The following EPHA7 variants were observed in gnomAD, a reference collection of about 807,000 sequenced individuals.
The protein encoded by EPHA7 is ephrin type-A receptor 7.
A neutral mutation model predicts 112.6 loss-of-function variants in EPHA7; 25 were observed. The ratio of observed to expected loss-of-function variants is 0.22; its 90% confidence interval spans 0.16 to 0.31. The LOEUF is 0.31. Ranked by LOEUF, EPHA7 falls within the 10% of genes least tolerant of loss-of-function variation. The pLI is 1.00. For synonymous variants in EPHA7, 437 were observed against 406.5 expected (o/e 1.07, Z -0.90); for missense variants, 962 against 1,212.6 (o/e 0.79, Z 3.07).
intron 5 of EPHA7, among the ~76,000 whole-genome samples, chr6:93,352,772 C>T (rs1237266567): frequency 1.3e-5 from 2 of 151,998 alleles, no homozygotes; most frequent in Non-Finnish European, 2.9e-5. Context: ...AGAACAAGAT[C>T]GTGTCCTTTG....
chr6:93,365,396 G>T (rs1265834923), intron 3 of EPHA7, among the ~76,000 whole-genome samples: 2 of 152,140 alleles, frequency 1.3e-5, no homozygotes, highest in African/African-American at 2.4e-5. Context: ...TTCAGGCAAA[G>T]CCAGTCTGTT....
chr6:93,263,945 A>C (rs756832009), intron 8 of EPHA7, 30 bp from the exon 9 acceptor site: 4 of 1,580,706 alleles, frequency 2.5e-6, no homozygotes, highest in East Asian at 4.5e-5. Flanking sequence ...TGACAATCTC[A>C]GTCATTTTAC....
At chr6:93,357,522 ACATT>A (rs1490134288) in intron 4 of EPHA7, among the ~76,000 whole-genome samples, 2 of 152,174 alleles carry the variant, frequency 1.3e-5, no homozygotes, top group Non-Finnish European at 2.9e-5. Context: ...GATCTCTCAA[ACATT>A]CATTAATTGA....
chr6:93,273,828 C>T (rs1771345238), intron 5 of EPHA7, among the ~76,000 whole-genome samples: 1 of 151,928 alleles, frequency 6.6e-6, no homozygotes, highest in African/African-American at 2.4e-5. Flanking sequence ...CATCTCTGTA[C>T]CCAGAACCTG....
At chr6:93,321,084 T>C (rs1366883621) in intron 5 of EPHA7, among the ~76,000 whole-genome samples, 4 of 151,924 alleles carry the variant, frequency 2.6e-5, no homozygotes, top group African/African-American at 9.7e-5. Context: ...AGAAAATATA[T>C]GAATTAGTAT....
At chr6:93,397,721 G>A (rs949640913) in intron 3 of EPHA7, among the ~76,000 whole-genome samples, 26 of 151,828 alleles carry the variant, frequency 1.7e-4, no homozygotes, top group African/African-American at 5.5e-4. Flanking sequence ...TGCCCTTTAG[G>A]TTTATATGAA....
At chr6:93,325,887 G>C (rs1363907719) in intron 5 of EPHA7, among the ~76,000 whole-genome samples, 1 of 151,212 alleles carries the variant, frequency 6.6e-6, no homozygotes, top group East Asian at 1.9e-4. Flanking sequence ...ATCAAACACA[G>C]GATATTAAAT....
At chr6:93,298,074 A>G (rs1325750036) in intron 5 of EPHA7, among the ~76,000 whole-genome samples, 2 of 152,180 alleles carry the variant, frequency 1.3e-5, no homozygotes, top group Non-Finnish European at 2.9e-5. Flanking sequence ...TAAGTAAAAC[A>G]ATGCCATATT....
intron 3 of EPHA7, among the ~76,000 whole-genome samples, chr6:93,391,995 G>A (rs989921890): frequency 2.6e-5 from 4 of 151,730 alleles, no homozygotes; most frequent in South Asian, 4.2e-4. Context: ...TAAATAAAAT[G>A]GAATAATCTA....
chr6:93,369,063 T>C (rs897399154), intron 3 of EPHA7, among the ~76,000 whole-genome samples: 2 of 150,822 alleles, frequency 1.3e-5, no homozygotes, highest in South Asian at 4.2e-4. Context: ...TTCTTAGAAA[T>C]AAAAGAAAAT....
At position 93,388,658 on chromosome 6, in the gene EPHA7, G is replaced by A. The variant is rs1351730809; in HGVS notation, c.832+21843C>T. Among the ~76,000 whole-genome samples, 4 of 152,058 alleles carry A rather than the reference G, an allele frequency of 2.6e-5. No homozygotes were observed. In the East Asian group the frequency reaches 7.7e-4, roughly 29 times the overall value. On this transcript the variant is annotated intron_variant, in intron 3 of 16. Coordinates refer to ENST00000369303, the MANE Select transcript of EPHA7 (RefSeq NM_004440.4). ...GTGGGCTTGTTCAGAAGGAAATGGGGAGAATAGTGAAGGGTGATAAGCTTA... is the reference window on the plus strand; with the variant it reads ...GTGGGCTTGTTCAGAAGGAAATGGGAAGAATAGTGAAGGGTGATAAGCTTA...
intron 3 of EPHA7, among the ~76,000 whole-genome samples, chr6:93,359,866 G>GATAGATAGAT (rs766436990): frequency 2.4e-5 from 3 of 122,960 alleles, no homozygotes; most frequent in Non-Finnish European, 3.6e-5. Flanking sequence ...GAGAGAGAGA[G>GATAGATAGAT]AGAGAGAGAG....
chr6:93,304,310 T>A (rs759848107), intron 5 of EPHA7, among the ~76,000 whole-genome samples: 1 of 151,974 alleles, frequency 6.6e-6, no homozygotes, highest in Admixed American at 6.6e-5. Flanking sequence ...CAGTTCTAGA[T>A]TGAAGACAGG....
At chr6:93,280,789 T>A (rs1771695619) in intron 5 of EPHA7, among the ~76,000 whole-genome samples, 1 of 152,146 alleles carries the variant, frequency 6.6e-6, no homozygotes, top group Non-Finnish European at 1.5e-5. Flanking sequence ...ATATTTAAAA[T>A]CATTCCTAGC....
In EPHA7 at chr6:93,375,568, A is replaced by G. The variant is rs114375188; in HGVS notation, c.833-17157T>C. On this transcript the variant is annotated intron_variant, in intron 3 of 16. Transcript: ENST00000369303. The stretch of plus-strand genomic sequence containing the variant: ...GGGACACAGAAGTTACAGTGAGCCT[A>G]GCAGAGAGACCTTGACTCAAAAAAC... Among the ~76,000 whole-genome samples, 923 of 152,002 alleles carry G rather than the reference A, an allele frequency of 6.1e-3. 12 individuals are homozygous for G. Among genetic ancestry groups the G allele is most frequent in the African/African-American group, 0.021 (863 of 41,494 alleles).
intron 9 of EPHA7, 71 bp downstream of exon 9, chr6:93,263,789 A>G: frequency 8.0e-7 from 1 of 1,253,618 alleles, no homozygotes; most frequent in South Asian, 1.3e-5. Flanking sequence ...GACTTTGTTA[A>G]TGCCAATGCT....
chr6:93,301,952 T>C (rs1443570912), intron 5 of EPHA7, among the ~76,000 whole-genome samples: 1 of 151,550 alleles, frequency 6.6e-6, no homozygotes, highest in Non-Finnish European at 1.5e-5. Flanking sequence ...TCTTCAACGT[T>C]CCCTATCCTT....
intron 3 of EPHA7, among the ~76,000 whole-genome samples, chr6:93,360,256 C>T (rs927393547): frequency 6.7e-6 from 1 of 149,168 alleles, no homozygotes; most frequent in Non-Finnish European, 1.5e-5. Context: ...TTAGATTTCT[C>T]GGGATGGAAA....
chr6:93,405,807 G>GTA (rs1301765912), intron 3 of EPHA7, among the ~76,000 whole-genome samples: 10 of 70,508 alleles, frequency 1.4e-4, no homozygotes, highest in East Asian at 1.2e-3. Context: ...GTGTGTGTGT[G>GTA]TGTGTGTATA....
Sources: gnomAD v4.1 joint callset for allele counts (sites outside exome capture counted in the v4.1 genomes callset) on GRCh38, gnomAD v4.1.1 for gene constraint, MANE v1.5 for transcripts, NCBI Gene and HGNC (gene_info 2026-07-23, HGNC 2026-07-21) for gene names.